The following FIGNL2 variants were observed in gnomAD, a reference collection of about 807,000 sequenced individuals.
FIGNL2 encodes fidgetin-like protein 2.
For missense variants in FIGNL2, 1,060 were observed against 950.2 expected, an observed-to-expected ratio of 1.12 and a Z score of -1.52; for synonymous variants, 565 against 484.0, an observed-to-expected ratio of 1.17 and a Z score of -2.20.
In FIGNL2 at chr12:51,820,929, C is replaced by G. The variant is rs1472873398; in HGVS notation, c.1485G>C (p.Ala495=). The stretch of plus-strand genomic sequence containing the variant: ...CGCCGTCGTCCCGGGCGGGGAGCAG[C>G]GCCTCTAGCTCGCTGATGAGGAGTA... ...PSVLLISELE[A]LLPARDDGAA... The change falls in exon 2 of 2, where the codon GCG becomes GCC. Residue 495 remains alanine, a synonymous_variant. Coordinates refer to ENST00000618634, the MANE Select transcript of FIGNL2 (RefSeq NM_001384995.1). The G allele has an allele frequency of 7.6e-7, 1 of 1,319,124 alleles. No individual in the cohort carries two copies. Among genetic ancestry groups the G allele is most frequent in the Non-Finnish European group, 9.6e-7 (1 of 1,042,602 alleles). The allele number at this position is 1,319,124 out of a possible 1,614,324, so 81.7% of individuals were successfully genotyped here.
chr12:51,825,295 T>C (rs1303636815), intron 1 of FIGNL2, among the ~76,000 whole-genome samples: 1 of 152,102 alleles, frequency 6.6e-6, no homozygotes, highest in Non-Finnish European at 1.5e-5. Flanking sequence ...TCTGGACTTG[T>C]CCACACACAT....
intron 1 of FIGNL2, among the ~76,000 whole-genome samples, chr12:51,838,719 G>A (rs756290202): frequency 3.3e-5 from 5 of 152,210 alleles, no homozygotes; most frequent in Non-Finnish European, 7.3e-5. Context: ...AGGACCCAGG[G>A]CAGGCTCCAA....
chr12:51,830,624 T>C (rs762704373), intron 1 of FIGNL2, among the ~76,000 whole-genome samples: 34 of 150,924 alleles, frequency 2.3e-4, no homozygotes, highest in Non-Finnish European at 3.8e-4. Context: ...CCTGAGTAGC[T>C]GGGATTACAG....
rs1451339832 is a variant in FIGNL2 at position 51,820,560 on chromosome 12, G to A, written c.1854C>T (p.Leu618=). 5 of 1,535,604 alleles carry A rather than the reference G, an allele frequency of 3.3e-6. No homozygotes were observed. Among genetic ancestry groups the A allele is most frequent in the East Asian group, 2.5e-5 (1 of 40,762 alleles). The change falls in exon 2 of 2, where the codon CTC becomes CTT. Residue 618 remains leucine, a synonymous_variant. Coordinates refer to ENST00000618634, the MANE Select transcript of FIGNL2 (RefSeq NM_001384995.1). The part of the protein sequence containing the change: ...GAGLPGLQRP[L]SYKDLEAALA... The stretch of plus-strand genomic sequence containing the variant: ...GCGCCGCCTCCAGGTCCTTGTAGGA[G>A]AGGGGGCGCTGCAGCCCCGGGAGGC...
intron 1 of FIGNL2, among the ~76,000 whole-genome samples, chr12:51,827,056 T>C (rs1014931713): frequency 3.9e-5 from 6 of 152,358 alleles, no homozygotes; most frequent in African/African-American, 1.4e-4. Flanking sequence ...TAGCCCGCTA[T>C]AGGTGGAAAA....
intron 1 of FIGNL2, chr12:51,841,432 A>G (rs1194302458): frequency 6.6e-6 from 1 of 152,212 alleles, no homozygotes; most frequent in Non-Finnish European, 1.5e-5. Context: ...CTAAGTCACC[A>G]AGCTGGGACA....
rs1413377969 is a variant in FIGNL2, at chr12:51,822,071, G to T, written c.343C>A (p.Leu115Ile). 5.0e-6 allele frequency: 8 copies of T among 1,611,068 alleles called. No homozygotes were observed. Among genetic ancestry groups the T allele is most frequent in the Non-Finnish European group, 6.8e-6 (8 of 1,178,774 alleles). Reference sequence around the variant, plus strand: ...CCACCGCCCGATTTGGTTCCTGGGAGGCCTTCGTGGAGTGAGGCCAAGGGG... The same window carrying T: ...CCACCGCCCGATTTGGTTCCTGGGATGCCTTCGTGGAGTGAGGCCAAGGGG... Reference protein sequence around the residue: ...PYPLASLHEGLPGTKSGGGGG... With the variant: ...PYPLASLHEGIPGTKSGGGGG... Residue 115 changes from leucine (L) to isoleucine (I), a missense_variant, in exon 2 of 2, where the codon CTC becomes ATC. Physicochemically the swap from Leu to Ile is conservative, Grantham distance 5. Transcript: ENST00000618634.
At chr12:51,848,103 C>T in intron 1 of FIGNL2, 3 of 982,402 alleles carry the variant, frequency 3.1e-6, no homozygotes, top group South Asian at 9.4e-5. Flanking sequence ...ACACAGGGGC[C>T]GCTGGACAAA....
chr12:51,848,034 G>A (rs1211528893), intron 1 of FIGNL2: 7 of 783,588 alleles, frequency 8.9e-6, no homozygotes, highest in South Asian at 5.7e-5. Flanking sequence ...TCACTGCCCC[G>A]TCACCATGCT....
intron 1 of FIGNL2, among the ~76,000 whole-genome samples, chr12:51,836,558 T>TG (rs1435905801): frequency 6.6e-6 from 1 of 152,232 alleles, no homozygotes; most frequent in African/African-American, 2.4e-5. Context: ...TCTCTGTTGG[T>TG]GGGGGGCGGA....
chr12:51,820,986 G>GGCGGCCTGGAGGAGGCGC lies in FIGNL2; in HGVS notation c.1410_1427dup (p.Arg471_Ala476dup). On this transcript the variant is annotated inframe_insertion, in exon 2 of 2. Coordinates refer to ENST00000618634, the MANE Select transcript of FIGNL2 (RefSeq NM_001384995.1). ...GTGGGCGGCAGCGCGCGGCCGCGAA[G>GGCGGCCTGGAGGAGGCGC]GCGGCCTGGAGGAGGCGCGCGCCCT... The GGCGGCCTGGAGGAGGCGC allele has an allele frequency of 8.3e-7, 1 of 1,211,694 alleles. No individual in the cohort carries two copies. Among genetic ancestry groups the GGCGGCCTGGAGGAGGCGC allele is most frequent in the East Asian group, 3.5e-5 (1 of 28,748 alleles). The allele number at this position is 1,211,694 out of a possible 1,614,324, so 75.1% of individuals were successfully genotyped here.
intron 1 of FIGNL2, chr12:51,847,143 G>A: frequency 1.0e-6 from 1 of 985,424 alleles, no homozygotes. Context: ...GGCACAGCGG[G>A]GAATGGCGTC....
At position 51,820,709 on chromosome 12, in the gene FIGNL2, G is replaced by A. The variant is rs1247558479; in HGVS notation, c.1705C>T (p.Arg569Trp). The stretch of plus-strand genomic sequence containing the variant: ...GCGCAGCCCTGCTGGGCCAGCGCCC[G>A]CTGCAGGATCTGCCCGCGGGCCGGG... ...DSPARGQILQ[R>W]ALAQQGCALS... Residue 569 changes from arginine to tryptophan, a missense_variant, in exon 2 of 2, where the codon CGG becomes TGG. By Grantham distance (101) the Arg-to-Trp change is moderately radical. Coordinates refer to ENST00000618634, the MANE Select transcript of FIGNL2 (RefSeq NM_001384995.1). The A allele has an allele frequency of 6.7e-7, 1 of 1,482,842 alleles. No individual in the cohort carries two copies. Among genetic ancestry groups the A allele is most frequent in the Non-Finnish European group, 8.9e-7 (1 of 1,126,574 alleles). The allele number at this position is 1,482,842 out of a possible 1,614,324, so 91.9% of individuals were successfully genotyped here. A position where few individuals can be genotyped will look rare whatever the true frequency, so the allele number is the denominator to read the frequency against.
At position 51,820,253 on chromosome 12, in the gene FIGNL2, C is replaced by T. The variant is rs1193195954; in HGVS notation, c.*199G>A. 3.0e-6 allele frequency: 2 copies of T among 667,910 alleles called. No homozygotes were observed. The highest frequency in any genetic ancestry group is 1.9e-5 in the African/African-American group (1 of 52,308). 41.4% of individuals were successfully genotyped at this position (667,910 alleles called of 1,614,324 possible). On this transcript the variant is annotated 3_prime_UTR_variant, in exon 2 of 2. Transcript: ENST00000618634. ...AATAAATAGGAAAAACCTGAGTACA[C>T]GGCGCATATGGCATCTGCCTGGCAG... is the stretch of plus-strand genomic sequence containing the variant.
At chr12:51,826,242 T>C (rs983917701) in intron 1 of FIGNL2, among the ~76,000 whole-genome samples, 2 of 152,162 alleles carry the variant, frequency 1.3e-5, no homozygotes, top group Admixed American at 1.3e-4. Flanking sequence ...GGTTCCCCAC[T>C]AGCTACCAGC....
At chr12:51,824,640 G>A (rs1939295946) in intron 1 of FIGNL2, 2 of 152,218 alleles carry the variant, frequency 1.3e-5, no homozygotes, top group African/African-American at 4.8e-5. Context: ...TCCAGCTCTT[G>A]CCGAGCAGGA....
In FIGNL2 at chr12:51,820,260, T is replaced by G; in HGVS notation, c.*192A>C. 2.8e-6 allele frequency: 2 copies of G among 703,018 alleles called. No homozygotes were observed. The highest frequency in any genetic ancestry group is 3.0e-5 in the East Asian group (1 of 33,122). The allele number at this position is 703,018 out of a possible 1,614,324, so 43.5% of individuals were successfully genotyped here. The stretch of plus-strand genomic sequence containing the variant: ...AGGAAAAACCTGAGTACACGGCGCA[T>G]ATGGCATCTGCCTGGCAGAAGCATT... On this transcript the variant is annotated 3_prime_UTR_variant, in exon 2 of 2. Transcript: ENST00000618634.
At chr12:51,845,456 CA>C in intron 1 of FIGNL2, 2 of 920,928 alleles carry the variant, frequency 2.2e-6, no homozygotes, top group Non-Finnish European at 2.5e-6. Flanking sequence ...TCTTGTGGCT[CA>C]CCGCCCCCCC....
In FIGNL2 at chr12:51,821,349, A is replaced by T. The variant is rs1939185171; in HGVS notation, c.1065T>A (p.Pro355=). The T allele has an allele frequency of 6.7e-7, 1 of 1,501,388 alleles. No homozygotes were observed. The highest frequency in any genetic ancestry group is 8.9e-7 in the Non-Finnish European group (1 of 1,129,228). The allele number at this position is 1,501,388 out of a possible 1,614,324, so 93.0% of individuals were successfully genotyped here. Residue 355 remains proline, a synonymous_variant, in exon 2 of 2, where the codon CCT becomes CCA. Coordinates refer to ENST00000618634, the MANE Select transcript of FIGNL2 (RefSeq NM_001384995.1). ...CCGACGGCACGGCGAACCCCCCACG[A>T]GGAGCCGGGGCCCGCTCCGGGAACT... The part of the protein sequence containing the change: ...FEKFPERAPA[P]RGGFAVPSGE...
Sources: gnomAD v4.1 joint callset for allele counts (sites outside exome capture counted in the v4.1 genomes callset) on GRCh38, gnomAD v4.1.1 for gene constraint, MANE v1.5 for transcripts, NCBI Gene and HGNC (gene_info 2026-07-23, HGNC 2026-07-21) for gene names.